Variants in BTBD1 observed in about 807,000 individuals in gnomAD.
The protein encoded by BTBD1 is BTB domain containing 1.
A neutral mutation model predicts 48.0 loss-of-function variants in BTBD1; 34 were observed. The ratio of observed to expected loss-of-function variants is 0.71; its 90% confidence interval spans 0.54 to 0.94. BTBD1 has a LOEUF of 0.94. Among genes scored for constraint, BTBD1 ranks in the 40% least tolerant of loss-of-function variants. The pLI is 0.00. For missense variants in BTBD1, 543 were observed against 625.6 expected (o/e 0.87, Z 1.41); for synonymous variants, 261 against 242.1 (o/e 1.08, Z -0.72).
chr15:83,047,466 T>C (rs1302741061), intron 3 of BTBD1, among the ~76,000 whole-genome samples: 3 of 152,234 alleles, frequency 2.0e-5, no homozygotes, highest in East Asian at 1.9e-4. Context: ...TAGTGGCTTC[T>C]ACCTATTTAC....
At chr15:83,054,077 G>A (rs1463528936) in intron 2 of BTBD1, among the ~76,000 whole-genome samples, 6 of 151,600 alleles carry the variant, frequency 4.0e-5, no homozygotes, top group African/African-American at 1.5e-4. Context: ...GGTGGCTCAC[G>A]CCTATAATCC....
At chr15:83,051,516 CATAAA>C (rs1469650869) in intron 2 of BTBD1, among the ~76,000 whole-genome samples, 2 of 149,600 alleles carry the variant, frequency 1.3e-5, no homozygotes, top group Admixed American at 6.7e-5. Flanking sequence ...TTACATATAA[CATAAA>C]ATATGTATAG....
intron 3 of BTBD1, chr15:83,044,682 A>T: frequency 6.7e-6 from 10 of 1,496,648 alleles, no homozygotes; most frequent in Non-Finnish European, 9.2e-6. Flanking sequence ...GGAAAACACA[A>T]TAACAAGAAA....
chr15:83,044,341 C>CTGCA (rs1387025987), intron 3 of BTBD1: 15 of 1,360,894 alleles, frequency 1.1e-5, no homozygotes, highest in Non-Finnish European at 1.3e-5. Flanking sequence ...CAACCCTGCT[C>CTGCA]TGCATGCCCG....
intron 7 of BTBD1, among the ~76,000 whole-genome samples, chr15:83,018,427 G>A (rs907694895): frequency 6.6e-6 from 1 of 152,190 alleles, no homozygotes; most frequent in Non-Finnish European, 1.5e-5. Context: ...CCAGCTATTA[G>A]AGAATAGTGA....
chr15:83,059,340 G>A (rs1380743178), intron 1 of BTBD1, among the ~76,000 whole-genome samples: 3 of 152,014 alleles, frequency 2.0e-5, no homozygotes, highest in Non-Finnish European at 4.4e-5. Flanking sequence ...GAGGTCAGGA[G>A]TTCAAGATCA....
In BTBD1 at chr15:83,059,836, C is replaced by T. The variant is rs2033148589; in HGVS notation, c.402-3291G>A. ...CAAACTCCTGGCCTCAAGCAATCCT[C>T]CCGCCTCAGCCTCCCCAAGTGCTGG... On this transcript the variant is annotated intron_variant, in intron 1 of 7. Transcript: ENST00000261721. 2.6e-5 allele frequency among the ~76,000 whole-genome samples: 4 copies of T among 152,210 alleles called. No individual in the cohort carries two copies. In the South Asian group the frequency reaches 8.3e-4, roughly 31 times the overall value.
intron 3 of BTBD1, among the ~76,000 whole-genome samples, chr15:83,049,345 C>A (rs117865852): frequency 6.6e-6 from 1 of 152,148 alleles, no homozygotes; most frequent in African/African-American, 2.4e-5. Context: ...GTAAACCCTA[C>A]AGATCGTGGC....
At chr15:83,056,622 AG>A in intron 1 of BTBD1, 77 bp from the exon 2 acceptor site, 1 of 1,271,784 alleles carries the variant, frequency 7.9e-7, no homozygotes, top group Admixed American at 1.9e-5. Flanking sequence ...TAAATTTCTG[AG>A]GAGTATTTAC....
In BTBD1 at chr15:83,017,003, A is replaced by G. The variant is rs556135582; in HGVS notation, c.*1064T>C. ...GTTACTATATTTTAAAATCTGCTTT[A>G]TAAAAAAGTGTATAAATATCAATCT... is the stretch of plus-strand genomic sequence containing the variant. On this transcript the variant is annotated 3_prime_UTR_variant, in exon 8 of 8. Transcript: ENST00000261721. 1 of 152,774 alleles carries G rather than the reference A, an allele frequency of 6.5e-6. No individual in the cohort carries two copies. Among genetic ancestry groups the G allele is most frequent in the Non-Finnish European group, 1.5e-5 (1 of 68,040 alleles). The allele number at this position is 152,774 out of a possible 1,614,324, so 9.5% of individuals were successfully genotyped here. A position where few individuals can be genotyped will look rare whatever the true frequency, so the allele number is the denominator to read the frequency against.
chr15:83,018,905 C>T, intron 6 of BTBD1, 52 bp from the exon 7 acceptor site: 1 of 1,423,144 alleles, frequency 7.0e-7, no homozygotes, highest in Non-Finnish European at 9.6e-7. Context: ...ATAAAGCAAA[C>T]TATAGAAAAT....
intron 2 of BTBD1, among the ~76,000 whole-genome samples, chr15:83,054,610 G>A (rs967076907): frequency 7.0e-6 from 1 of 143,522 alleles, no homozygotes; most frequent in Admixed American, 7.2e-5. Flanking sequence ...TCGCCAGGCT[G>A]GAAGGCAGTG....
chr15:83,042,372 ATATATG>A (rs2032783221), intron 3 of BTBD1, among the ~76,000 whole-genome samples: 2 of 123,442 alleles, frequency 1.6e-5, no homozygotes, highest in African/African-American at 6.3e-5. Context: ...ATATATATAT[ATATATG>A]TATGTATATA....
intron 4 of BTBD1, among the ~76,000 whole-genome samples, chr15:83,040,100 AGCCATTATCTTAAGTGAGTTAAT>A (rs1479300596): frequency 6.6e-6 from 1 of 152,158 alleles, no homozygotes; most frequent in Non-Finnish European, 1.5e-5. Flanking sequence ...TGCAGCTAGA[AGCCATTATCTTAAGTGAGTTAAT>A]GCAGAAACAG....
chr15:83,028,834 T>G (rs1227046686), intron 5 of BTBD1: 4 of 152,230 alleles, frequency 2.6e-5, no homozygotes, highest in African/African-American at 9.6e-5. Flanking sequence ...TTTTTGCTTC[T>G]AAATGTGAAT....
intron 5 of BTBD1, among the ~76,000 whole-genome samples, chr15:83,023,855 A>G (rs2032350015): frequency 1.3e-5 from 2 of 152,008 alleles, no homozygotes; most frequent in South Asian, 4.2e-4. Context: ...GACAAACTCC[A>G]TTTATATTTT....
intron 4 of BTBD1, 136 bp downstream of exon 4, chr15:83,041,592 C>T (rs2032761067): frequency 9.6e-6 from 7 of 729,928 alleles, no homozygotes; most frequent in African/African-American, 5.3e-5. Flanking sequence ...AGGCTGGTGT[C>T]GAACTCCTGT....
intron 1 of BTBD1, among the ~76,000 whole-genome samples, chr15:83,059,278 G>T (rs2033139983): frequency 6.6e-6 from 1 of 152,172 alleles, no homozygotes; most frequent in South Asian, 2.1e-4. Context: ...GGGCATGGTG[G>T]CTCACGCCTG....
chr15:83,063,349 A>C (rs948161034), intron 1 of BTBD1, among the ~76,000 whole-genome samples: 33 of 152,096 alleles, frequency 2.2e-4, no homozygotes, highest in Admixed American at 2.0e-3. Flanking sequence ...CCTCACCTCC[A>C]AATTCATATT....
Sources: gnomAD v4.1 joint callset for allele counts (sites outside exome capture counted in the v4.1 genomes callset) on GRCh38, gnomAD v4.1.1 for gene constraint, MANE v1.5 for transcripts, NCBI Gene and HGNC (gene_info 2026-07-23, HGNC 2026-07-21) for gene names.